GAB4: variants seen among roughly 807,000 people sequenced by gnomAD.
GAB4 encodes GRB2-associated-binding protein 4.
In GAB4, 26 loss-of-function variants were observed where a neutral mutation model predicts 51.3. That is an observed-to-expected ratio of 0.51 (90% CI 0.37 to 0.70). GAB4 has a LOEUF of 0.70. Among genes scored for constraint, GAB4 ranks in the 30% least tolerant of loss-of-function variants. The pLI, the probability that GAB4 is intolerant of heterozygous loss-of-function variation, is 0.00. For synonymous variants in GAB4, 329 were observed against 291.2 expected, an observed-to-expected ratio of 1.13 and a Z score of -1.32; for missense variants, 759 against 734.6, an observed-to-expected ratio of 1.03 and a Z score of -0.38.
chr22:16,969,612 C>G, intron 4 of GAB4: 1 of 613,310 alleles, frequency 1.6e-6, no homozygotes, highest in East Asian at 2.6e-5. Context: ...CTCATACTGA[C>G]CTTGGTGACA....
At chr22:16,968,970 C>T (rs2060706425) in intron 4 of GAB4, among the ~76,000 whole-genome samples, 1 of 152,154 alleles carries the variant, frequency 6.6e-6, no homozygotes, top group South Asian at 2.1e-4. Context: ...GAAAACAAGG[C>T]TTTGCCCCAC....
rs535623867 is a variant in GAB4, at chr22:16,972,234, A to G, written c.687-2041T>C. ...GGTGTCACGAACACACACCACCACA[A>G]TCAGGTGGGATGAGCACACGGCTGC... On this transcript the variant is annotated intron_variant, in intron 3 of 9. Transcript: ENST00000400588. Among the ~76,000 whole-genome samples, 18 of 152,178 alleles carry G rather than the reference A, an allele frequency of 1.2e-4. No homozygotes were observed. The South Asian group carries it at 3.7e-3, about 31-fold the overall frequency.
intron 1 of GAB4, among the ~76,000 whole-genome samples, chr22:16,996,521 T>A (rs2060950252): frequency 6.6e-6 from 1 of 151,532 alleles, no homozygotes; most frequent in Non-Finnish European, 1.5e-5. Context: ...TTGACAAAGG[T>A]TGAAATGAAG....
chr22:16,963,188 G>A (rs1374973110), intron 9 of GAB4, among the ~76,000 whole-genome samples: 1 of 152,190 alleles, frequency 6.6e-6, no homozygotes, highest in South Asian at 2.1e-4. Flanking sequence ...TTTCCCAGGT[G>A]TCAACAAGCA....
intron 2 of GAB4, among the ~76,000 whole-genome samples, chr22:16,991,428 A>C (rs2060913200): frequency 6.6e-6 from 1 of 152,012 alleles, no homozygotes; most frequent in African/African-American, 2.4e-5. Flanking sequence ...AAGCTGAACT[A>C]CTCTTTTGTG....
In GAB4 at chr22:16,962,442, A is replaced by G. The variant is rs1207158305; in HGVS notation, c.*291T>C. 2 of 266,416 alleles carry G rather than the reference A, an allele frequency of 7.5e-6. No individual in the cohort carries two copies. Among genetic ancestry groups the G allele is most frequent in the Non-Finnish European group, 1.4e-5 (2 of 141,752 alleles). The allele number at this position is 266,416 out of a possible 1,614,324, so 16.5% of individuals were successfully genotyped here. A position where few individuals can be genotyped will look rare whatever the true frequency, so the allele number is the denominator to read the frequency against. ...AAACAGCCCAGAGGCTAGAAGGAAGAGGCTGAGGACCATGAGTAAGTGTGA... is the reference window on the plus strand; with the variant it reads ...AAACAGCCCAGAGGCTAGAAGGAAGGGGCTGAGGACCATGAGTAAGTGTGA... On this transcript the variant is annotated 3_prime_UTR_variant, in exon 10 of 10. Transcript: ENST00000400588.
intron 7 of GAB4, 143 bp downstream of exon 7, chr22:16,965,035 C>G: frequency 1.4e-6 from 1 of 730,436 alleles, no homozygotes; most frequent in African/African-American, 1.8e-5. Flanking sequence ...AGAAGGCCGT[C>G]ACGCCTCATG....
chr22:16,999,850 TC>T (rs1352382494), intron 1 of GAB4, among the ~76,000 whole-genome samples: 1 of 152,244 alleles, frequency 6.6e-6, no homozygotes, highest in East Asian at 1.9e-4. Flanking sequence ...GCCTTTGTTC[TC>T]ATTGGTTTCA....
Position 16,968,357 on chromosome 22 carries a change from C to T in GAB4, c.964G>A (p.Gly322Ser). ...EASSGKYTQH[G>S]GGNASRPAES... ...GCAGGCCGGCTGGCATTCCCTCCAC[C>T]ATGCTGGGTGTACTTGCCGGAGGAA... Residue 322 changes from glycine to serine, a missense_variant, in exon 5 of 10, where the codon GGT becomes AGT. Around this residue, in one of 3 missense-constraint regions of GAB4, gnomAD observed 588 missense variants for 510.2 expected, o/e 1.15. Transcript: ENST00000400588. 1 of 1,614,060 alleles carries T rather than the reference C, an allele frequency of 6.2e-7. No homozygotes were observed. Among genetic ancestry groups the T allele is most frequent in the South Asian group, 1.1e-5 (1 of 91,074 alleles).
chr22:16,979,842 C>T (rs1346331184), intron 3 of GAB4, among the ~76,000 whole-genome samples: 3 of 152,160 alleles, frequency 2.0e-5, no homozygotes, highest in Non-Finnish European at 4.4e-5. Context: ...GAACAGAGAC[C>T]TCAGAAATCA....
chr22:17,007,959 C>T lies in GAB4; in HGVS notation c.156G>A (p.Glu52=). 1.2e-6 allele frequency: 2 copies of T among 1,604,196 alleles called. No individual in the cohort carries two copies. The highest frequency in any genetic ancestry group is 2.2e-5 in the East Asian group (1 of 44,598). ...CACTCACAAAGAGCCTCAGCTTCTT[C>T]TCGGGGGGCGACTTCCTCAGCCAGC... ...YSGWLRKSPP[E]KKLRLFAWRK... is the part of the protein sequence containing the mutation. Residue 52 remains glutamate (E), a synonymous_variant, in exon 1 of 10, where the codon GAG becomes GAA. Coordinates refer to ENST00000400588, the MANE Select transcript of GAB4 (RefSeq NM_001037814.1).
rs1280534906 is a variant in GAB4 at position 17,008,019 on chromosome 22, G to A, written c.96C>T (p.Gly32=). 6.2e-6 allele frequency: 10 copies of A among 1,609,942 alleles called. No individual in the cohort carries two copies. The South Asian group carries it at 1.0e-4, about 16-fold the overall frequency. ...LSSWPGSGPA[G]GSTRSGHVLY... is the part of the protein sequence containing the mutation. ...GCACGTGGCCACTTCTCGTGCTTCC[G>A]CCGGCGGGGCCACTTCCGGGCCACG... The change falls in exon 1 of 10, where the codon GGC becomes GGT. Residue 32 remains glycine, a synonymous_variant. Transcript: ENST00000400588.
In GAB4 at chr22:16,999,753, T is replaced by G. The variant is rs142868291; in HGVS notation, c.175-7577A>C. On this transcript the variant is annotated intron_variant, in intron 1 of 9. Transcript: ENST00000400588. ...ATATTAGGGTGTTGATTTTAGATCT[T>G]TCCTGCTTTCTCTTGTGGGCATTTA... 4.0e-3 allele frequency among the ~76,000 whole-genome samples: 617 copies of G among 152,370 alleles called. 8 individuals carry two copies. Among genetic ancestry groups the G allele is most frequent in the African/African-American group, 0.014 (583 of 41,588 alleles).
At chr22:16,998,431 A>C (rs540383732) in intron 1 of GAB4, among the ~76,000 whole-genome samples, 29 of 152,140 alleles carry the variant, frequency 1.9e-4, no homozygotes, top group Admixed American at 3.3e-4. Flanking sequence ...TTCACTCTTG[A>C]TTTGGCTCTC....
At chr22:16,991,800 C>G (rs1332634069) in intron 2 of GAB4, 73 bp downstream of exon 2, 1 of 1,286,980 alleles carries the variant, frequency 7.8e-7, no homozygotes, top group Non-Finnish European at 1.1e-6. Context: ...GCAGCTAGAG[C>G]TGCCCTCCTT....
chr22:16,967,531 C>A (rs2060689988), intron 5 of GAB4: 1 of 152,364 alleles, frequency 6.6e-6, no homozygotes, highest in African/African-American at 2.4e-5. Flanking sequence ...CAAGGAGATT[C>A]CTCTCCCCCA....
intron 2 of GAB4, among the ~76,000 whole-genome samples, chr22:16,991,197 C>T (rs1381124314): frequency 6.6e-6 from 1 of 151,780 alleles, no homozygotes; most frequent in East Asian, 1.9e-4. Context: ...CAAGAGATTC[C>T]TGGGTAACTC....
chr22:16,980,091 C>A (rs1211382766), intron 3 of GAB4, among the ~76,000 whole-genome samples: 1 of 152,086 alleles, frequency 6.6e-6, no homozygotes, highest in African/African-American at 2.4e-5. Flanking sequence ...ATTAAGCACA[C>A]AGGCATGGGC....
At chr22:16,973,106 A>T (rs752224203) in intron 3 of GAB4, among the ~76,000 whole-genome samples, 2 of 152,162 alleles carry the variant, frequency 1.3e-5, no homozygotes, top group Non-Finnish European at 2.9e-5. Context: ...CTCAAAAGGC[A>T]CATTTTTAAA....
Sources: allele counts gnomAD v4.1 joint callset (sites outside exome capture counted in the v4.1 genomes callset), GRCh38; gene constraint gnomAD v4.1.1; regional missense constraint gnomAD v4.1.1; transcripts MANE v1.5; gene names NCBI Gene and HGNC (gene_info 2026-07-23, HGNC 2026-07-21).